The following TRIP11 variants were observed in gnomAD, a reference collection of about 807,000 sequenced individuals.
TRIP11 encodes the protein thyroid hormone receptor interactor 11.
A neutral mutation model predicts 223.1 loss-of-function variants in TRIP11; 148 were observed. The observed-to-expected ratio is 0.66, with a 90% confidence interval of 0.58 to 0.76. TRIP11 has a LOEUF of 0.76. TRIP11 is among the 30% of genes least tolerant of loss of function. TRIP11 has a pLI of 0.00. For missense variants in TRIP11, 2,043 were observed against 2,222.0 expected (o/e 0.92, Z 1.62); for synonymous variants, 762 against 772.6 (o/e 0.99, Z 0.23).
At position 92,000,079 on chromosome 14, in the gene TRIP11, T is replaced by C; in HGVS notation, c.4587A>G (p.Leu1529=). The part of the protein sequence containing the change: ...QGKTGELNQL[L]NAVKSMQEKT... The stretch of plus-strand genomic sequence containing the variant: ...TCTCCTGCATTGATTTAACTGCATT[T>C]AAAAGCTGATTTAACTCTCCAGTCT... Residue 1529 remains leucine, a synonymous_variant, in exon 12 of 21, where the codon TTA becomes TTG. Transcript: ENST00000267622. The C allele has an allele frequency of 6.2e-7, 1 of 1,613,996 alleles. No homozygotes were observed.
intron 2 of TRIP11, among the ~76,000 whole-genome samples, chr14:92,029,609 T>C (rs1052568526): frequency 2.7e-5 from 4 of 150,910 alleles, no homozygotes; most frequent in African/African-American, 9.8e-5. Context: ...CCACCATGCC[T>C]GGCCTATATC....
intron 2 of TRIP11, among the ~76,000 whole-genome samples, chr14:92,028,640 A>T (rs2057219908): frequency 6.6e-6 from 1 of 152,232 alleles, no homozygotes. Context: ...GAGTTGCCAG[A>T]GATAATATTT....
At chr14:92,014,905 A>T (rs1237577417) in intron 6 of TRIP11, among the ~76,000 whole-genome samples, 2 of 142,540 alleles carry the variant, frequency 1.4e-5, no homozygotes, top group Non-Finnish European at 1.5e-5. Flanking sequence ...TTTTCACAGA[A>T]TTTTTTTTTT....
chr14:92,017,583 A>G lies in TRIP11; in HGVS notation c.657+99T>C, dbSNP rs190623828. The G allele has an allele frequency of 5.5e-6, 5 of 901,076 alleles. No homozygotes were observed. The East Asian group carries it at 1.3e-4, about 23-fold the overall frequency. The allele number at this position is 901,076 out of a possible 1,614,324, so 55.8% of individuals were successfully genotyped here. A position where few individuals can be genotyped will look rare whatever the true frequency, so the allele number is the denominator to read the frequency against. Reference sequence around the variant, plus strand: ...AAGTACCATAATCTATATAATGATAATGACTTTTATAACTGAGACTTTTAC... The same window carrying G: ...AAGTACCATAATCTATATAATGATAGTGACTTTTATAACTGAGACTTTTAC... On this transcript the variant is annotated intron_variant, in intron 5 of 20. Transcript: ENST00000267622.
chr14:92,001,580 T>C (rs750396058), intron 11 of TRIP11, among the ~76,000 whole-genome samples: 18 of 152,238 alleles, frequency 1.2e-4, no homozygotes, highest in Non-Finnish European at 1.9e-4. Flanking sequence ...AGTAATACAA[T>C]AGTTAAGTAC....
chr14:91,988,118 A>C (rs2056625079), intron 16 of TRIP11, among the ~76,000 whole-genome samples, 166 bp downstream of exon 16: 2 of 152,206 alleles, frequency 1.3e-5, no homozygotes, highest in African/African-American at 4.8e-5. Flanking sequence ...CTCTGGTTTC[A>C]CTAGGACCAT....
chr14:91,969,446 T>C lies in TRIP11; in HGVS notation c.*227A>G. On this transcript the variant is annotated 3_prime_UTR_variant, in exon 21 of 21. Coordinates refer to ENST00000267622, the MANE Select transcript of TRIP11 (RefSeq NM_004239.4). Reference sequence around the variant, plus strand: ...AAAAGATAAATTAAATGTTCCTAGCTTAAATTAGGTCAAATCAGAAGGAAT... The same window carrying C: ...AAAAGATAAATTAAATGTTCCTAGCCTAAATTAGGTCAAATCAGAAGGAAT... 1.8e-6 allele frequency: 1 copy of C among 553,912 alleles called. No individual in the cohort carries two copies. The highest frequency in any genetic ancestry group is 3.2e-6 in the Non-Finnish European group (1 of 310,624). The allele number at this position is 553,912 out of a possible 1,614,324, so 34.3% of individuals were successfully genotyped here. A position where few individuals can be genotyped will look rare whatever the true frequency, so the allele number is the denominator to read the frequency against.
At position 92,037,832 on chromosome 14, in the gene TRIP11, C is replaced by T. The variant is rs997629408; in HGVS notation, c.139+1715G>A. The stretch of plus-strand genomic sequence containing the variant: ...CGAAGGTTGCAGCGAGCCGAGATCG[C>T]GCCACTGCATCCAGCCTACGCAACA... On this transcript the variant is annotated intron_variant, in intron 1 of 20. Coordinates refer to ENST00000267622, the MANE Select transcript of TRIP11 (RefSeq NM_004239.4). The surrounding 1 kb of genome is among the most constrained non-coding windows in gnomAD (Gnocchi z 4.2). Among the ~76,000 whole-genome samples the T allele has an allele frequency of 2.6e-5, 4 of 152,188 alleles. No homozygotes were observed. The highest frequency in any genetic ancestry group is 5.9e-5 in the Non-Finnish European group (4 of 68,034).
intron 5 of TRIP11, 55 bp from the exon 6 acceptor site, chr14:92,015,916 CTA>C (rs1595397690): frequency 2.0e-6 from 3 of 1,464,058 alleles, no homozygotes; most frequent in African/African-American, 1.4e-5. Flanking sequence ...TTTATGTAAG[CTA>C]TATATTTAAC....
Position 92,021,802 on chromosome 14 carries a change from C to A in TRIP11, c.342G>T (p.Gln114His). 2 of 1,614,124 alleles carry A rather than the reference C, an allele frequency of 1.2e-6. No homozygotes were observed. Among genetic ancestry groups the A allele is most frequent in the Non-Finnish European group, 1.7e-6 (2 of 1,180,028 alleles). Residue 114 changes from glutamine to histidine, a missense_variant, in exon 4 of 21, where the codon CAG (glutamine) becomes CAT (histidine). By Grantham distance (24) the Gln-to-His change is conservative. Transcript: ENST00000267622. ...TCAGCAACTGATCCTGGAGTGCAAT[C>A]TGTCTGGCTTTAAGATGGCTGATTT... The part of the protein sequence containing the change: ...EVEISHLKAR[Q>H]IALQDQLLKL...
chr14:91,996,718 AC>A (rs1566854223), intron 13 of TRIP11, among the ~76,000 whole-genome samples: 1 of 152,014 alleles, frequency 6.6e-6, no homozygotes, highest in Non-Finnish European at 1.5e-5. Context: ...CTTGCCTTTG[AC>A]CCCCTTGTAT....
At chr14:92,032,250 C>CA (rs1460451496) in intron 2 of TRIP11, among the ~76,000 whole-genome samples, 2 of 152,072 alleles carry the variant, frequency 1.3e-5, no homozygotes, top group Non-Finnish European at 2.9e-5. Flanking sequence ...CAGTTTCCAG[C>CA]AAGTCTCCTG....
At chr14:92,020,977 G>A (rs772824908) in intron 4 of TRIP11, among the ~76,000 whole-genome samples, 9 of 151,536 alleles carry the variant, frequency 5.9e-5, no homozygotes, top group Non-Finnish European at 5.9e-5. Context: ...GGTTGAGACG[G>A]GAGAATCATT....
chr14:92,037,475 T>C lies in TRIP11; in HGVS notation c.139+2072A>G, dbSNP rs542772152. ...AAGAAAGGGCTTTCCATGTAGAGGC[T>C]TGAAGTTGTGTAAGTGCCTGACAAA... On this transcript the variant is annotated intron_variant, in intron 1 of 20. Transcript: ENST00000267622. This position sits in a 1 kb window ranked among gnomAD's most constrained non-coding sequence, Gnocchi z 4.2. Among the ~76,000 whole-genome samples, 11 of 152,300 alleles carry C rather than the reference T, an allele frequency of 7.2e-5. No homozygotes were observed. In the South Asian group the frequency reaches 2.3e-3, roughly 32 times the overall value.
At chr14:92,001,715 T>C (rs1469479297) in intron 11 of TRIP11, among the ~76,000 whole-genome samples, 1 of 152,118 alleles carries the variant, frequency 6.6e-6, no homozygotes, top group Non-Finnish European at 1.5e-5. Flanking sequence ...CTCCAAAATA[T>C]CTATAAATGA....
intron 9 of TRIP11, among the ~76,000 whole-genome samples, chr14:92,009,982 T>C (rs1745117730): frequency 6.6e-6 from 1 of 152,196 alleles, no homozygotes; most frequent in African/African-American, 2.4e-5. Context: ...TCTGAACACA[T>C]ATATCAGAAA....
chr14:92,039,457 GT>G, intron 1 of TRIP11, 89 bp downstream of exon 1: 1 of 1,433,480 alleles, frequency 7.0e-7, no homozygotes, highest in South Asian at 1.2e-5. Context: ...TTTGCGACCT[GT>G]CCGCGTCTCC....
rs199937850 is a variant in TRIP11, at chr14:92,039,709, C to T, written c.-24G>A. The T allele has an allele frequency of 4.7e-4, 752 of 1,605,556 alleles. 1 individual carries two copies. Among genetic ancestry groups the T allele is most frequent in the Middle Eastern group, 1.2e-3 (7 of 6,054 alleles). ...ATCGCGGCGAGTTTAGAGAACGACC[C>T]GGTCCGCTCGGAAAAAAGAAAACGT... On this transcript the variant is annotated 5_prime_UTR_variant, in exon 1 of 21. Coordinates refer to ENST00000267622, the MANE Select transcript of TRIP11 (RefSeq NM_004239.4).
At chr14:91,975,336 A>C in intron 17 of TRIP11, 50 bp from the exon 18 acceptor site, 1 of 1,160,724 alleles carries the variant, frequency 8.6e-7, no homozygotes, top group Non-Finnish European at 1.3e-6. Context: ...CATTAAGTAC[A>C]CTCAAACACT....
Sources: allele counts gnomAD v4.1 joint callset (sites outside exome capture counted in the v4.1 genomes callset), GRCh38; gene constraint gnomAD v4.1.1; non-coding constraint Gnocchi (gnomAD v3.1); transcripts MANE v1.5; gene names NCBI Gene and HGNC (gene_info 2026-07-23, HGNC 2026-07-21).